UNC13C: variants seen among roughly 807,000 people sequenced by gnomAD.
UNC13C encodes the protein protein unc-13 homolog C.
UNC13C carries 174 observed loss-of-function variants against 245.4 expected under a neutral mutation model. The ratio of observed to expected loss-of-function variants is 0.71; its 90% CI spans 0.63 to 0.80. UNC13C has a LOEUF of 0.80. Among genes scored for constraint, UNC13C ranks in the 30% least tolerant of loss-of-function variants. The pLI, the probability that UNC13C is intolerant of heterozygous loss-of-function variation, is 0.00. For synonymous variants in UNC13C, 992 were observed against 895.1 expected, an observed-to-expected ratio of 1.11 and a Z score of -1.93; for missense variants, 2,829 against 2,602.9, an observed-to-expected ratio of 1.09 and a Z score of -1.89.
the UNC13C span, among the ~76,000 whole-genome samples, chr15:53,959,258 G>A: frequency 6.6e-6 from 1 of 151,880 alleles, no homozygotes; most frequent in Non-Finnish European, 1.5e-5. Context: ...ACATGGGAAT[G>A]TAGATATCTC....
intron 13 of UNC13C, among the ~76,000 whole-genome samples, chr15:54,302,141 G>GT (rs1268921336): frequency 6.6e-6 from 1 of 151,950 alleles, no homozygotes; most frequent in East Asian, 1.9e-4. Flanking sequence ...GGGGCTGTTT[G>GT]TTTTTTTCTT....
At chr15:53,872,695 A>G in the UNC13C span, among the ~76,000 whole-genome samples, 5 of 152,174 alleles carry the variant, frequency 3.3e-5, no homozygotes, top group Admixed American at 1.3e-4. Context: ...GCCTGTAGTG[A>G]CCTGGCCCCA....
chr15:54,117,622 C>T (rs1042436259), intron 2 of UNC13C, among the ~76,000 whole-genome samples: 1 of 151,192 alleles, frequency 6.6e-6, no homozygotes, highest in African/African-American at 2.4e-5. Flanking sequence ...CACTCTGTTG[C>T]CCAAGCTGGA....
chr15:54,029,247 G>T (rs1896253328), intron 2 of UNC13C, among the ~76,000 whole-genome samples: 1 of 152,162 alleles, frequency 6.6e-6, no homozygotes, highest in Non-Finnish European at 1.5e-5. Context: ...GTACTCTCTG[G>T]CTTTTTAACT....
intron 2 of UNC13C, among the ~76,000 whole-genome samples, chr15:54,021,432 A>C (rs1426413630): frequency 6.6e-6 from 1 of 152,186 alleles, no homozygotes; most frequent in East Asian, 1.9e-4. Context: ...CATATAATTG[A>C]GATCATACAA....
the UNC13C span, among the ~76,000 whole-genome samples, chr15:53,896,976 G>T: frequency 1.1e-3 from 161 of 152,204 alleles, no homozygotes; most frequent in African/African-American, 3.8e-3. Context: ...ACATAGTTAG[G>T]TTACTGAGGT....
intron 26 of UNC13C, 85 bp from the exon 27 acceptor site, chr15:54,546,637 T>C (rs1283987403): frequency 2.7e-6 from 2 of 740,568 alleles, no homozygotes; most frequent in Non-Finnish European, 3.9e-6. Flanking sequence ...GTAAATGGAA[T>C]TTAGCATTTG....
intron 2 of UNC13C, among the ~76,000 whole-genome samples, chr15:54,070,579 GT>G (rs562017126): frequency 2.6e-5 from 4 of 151,908 alleles, no homozygotes; most frequent in South Asian, 2.1e-4. Flanking sequence ...GCTTGCATAG[GT>G]TTTTTTTAAT....
At chr15:54,277,267 T>C (rs888406848) in intron 10 of UNC13C, among the ~76,000 whole-genome samples, 10 of 152,192 alleles carry the variant, frequency 6.6e-5, no homozygotes, top group African/African-American at 2.4e-4. Context: ...CCAGTAAACT[T>C]TGAAGCTGAT....
intron 2 of UNC13C, among the ~76,000 whole-genome samples, chr15:54,135,599 TA>T (rs1418789801): frequency 6.6e-6 from 1 of 152,192 alleles, no homozygotes; most frequent in Non-Finnish European, 1.5e-5. Flanking sequence ...CATCAAATAT[TA>T]GTTTGCCATA....
chr15:54,455,231 ATATATATGTTTTTTAATCCAC>A (rs1461620229), intron 19 of UNC13C, among the ~76,000 whole-genome samples: 2 of 95,200 alleles, frequency 2.1e-5, no homozygotes, highest in East Asian at 8.7e-4. Flanking sequence ...ATATATATAT[ATATATATGTTTTTTAATCCAC>A]TCATTGGTAG....
intron 4 of UNC13C, among the ~76,000 whole-genome samples, chr15:54,163,201 A>G (rs2033041800): frequency 6.6e-6 from 1 of 152,198 alleles, no homozygotes; most frequent in Admixed American, 6.5e-5. Flanking sequence ...CAGAGGTGTC[A>G]GTTTCAGAGA....
chr15:54,054,843 T>C (rs1018839552), intron 2 of UNC13C, among the ~76,000 whole-genome samples: 1 of 152,134 alleles, frequency 6.6e-6, no homozygotes, highest in Non-Finnish European at 1.5e-5. Context: ...TGCTGACCCT[T>C]AATGAAGGCT....
chr15:54,121,224 C>T (rs1265443676), intron 2 of UNC13C, among the ~76,000 whole-genome samples: 1 of 152,150 alleles, frequency 6.6e-6, no homozygotes, highest in South Asian at 2.1e-4. Context: ...ACAGTCACCT[C>T]ACACTTCAAC....
At chr15:54,099,280 A>G (rs558044520) in intron 2 of UNC13C, among the ~76,000 whole-genome samples, 4 of 152,254 alleles carry the variant, frequency 2.6e-5, no homozygotes, top group African/African-American at 9.6e-5. Flanking sequence ...TCCCCTTTCT[A>G]TCTTTCTCCC....
chr15:53,888,607 G>A, the UNC13C span, among the ~76,000 whole-genome samples: 1 of 152,176 alleles, frequency 6.6e-6, no homozygotes, highest in Non-Finnish European at 1.5e-5. Flanking sequence ...TGGTGTTTTA[G>A]ACATGAAGTC....
intron 2 of UNC13C, among the ~76,000 whole-genome samples, chr15:54,108,290 T>C (rs963673765): frequency 1.3e-5 from 2 of 152,086 alleles, no homozygotes; most frequent in Non-Finnish European, 2.9e-5. Flanking sequence ...GGGTTCAAGC[T>C]ATTCTCCTGC....
rs34909598 is a variant in UNC13C at position 54,250,258 on chromosome 15, C to G, written c.3262C>G (p.Leu1088Val). ...MHVFKKTLQA[L>V]IYPMSSTIPH... is the part of the protein sequence containing the mutation. Reference sequence around the variant, plus strand: ...CGTCTTCAAGAAGACCTTGCAGGCACTGATCTACCCTATGTCTTCTACCAT... The same window carrying G: ...CGTCTTCAAGAAGACCTTGCAGGCAGTGATCTACCCTATGTCTTCTACCAT... Residue 1088 changes from leucine to valine, a missense_variant, in exon 8 of 33, where the codon CTG (leucine) becomes GTG (valine). Transcript: ENST00000260323. The G allele has an allele frequency of 6.2e-7, 1 of 1,613,978 alleles. No homozygotes were observed.
intron 30 of UNC13C, among the ~76,000 whole-genome samples, chr15:54,610,624 C>A (rs1900036274): frequency 6.6e-6 from 1 of 152,204 alleles, no homozygotes; most frequent in African/African-American, 2.4e-5. Context: ...CTAGACTTTA[C>A]ATATGCCAGG....
Sources: gnomAD v4.1 joint callset for allele counts (sites outside exome capture counted in the v4.1 genomes callset) on GRCh38, gnomAD v4.1.1 for gene constraint, MANE v1.5 for transcripts, NCBI Gene and HGNC (gene_info 2026-07-23, HGNC 2026-07-21) for gene names.